Variants in MGAT4C observed in about 807,000 individuals in gnomAD.
MGAT4C encodes the protein alpha-1,3-mannosyl-glycoprotein 4-beta-N-acetylglucosaminyltransferase C.
Under a neutral mutation model 40.1 loss-of-function variants are expected in MGAT4C, and 19 were observed. The ratio of observed to expected loss-of-function variants is 0.47; its 90% CI spans 0.33 to 0.70. The LOEUF (loss-of-function observed/expected upper bound fraction) is 0.70. Among genes scored for constraint, MGAT4C ranks in the 30% least tolerant of loss-of-function variants. MGAT4C has a pLI of 0.02. For missense variants in MGAT4C, 491 were observed against 563.2 expected, an observed-to-expected ratio of 0.87 and a Z score of 1.30; for synonymous variants, 181 against 187.1, an observed-to-expected ratio of 0.97 and a Z score of 0.27.
intron 1 of MGAT4C, among the ~76,000 whole-genome samples, chr12:86,164,557 T>C (rs148782882): frequency 6.6e-6 from 1 of 152,294 alleles, no homozygotes; most frequent in African/African-American, 2.4e-5. Flanking sequence ...CTATTCTAAC[T>C]GGTAATTTTT....
At chr12:86,284,267 G>A (rs1305165409) in intron 4 of MGAT4C, among the ~76,000 whole-genome samples, 1 of 151,738 alleles carries the variant, frequency 6.6e-6, no homozygotes, top group East Asian at 1.9e-4. Flanking sequence ...AGTCTTCTGA[G>A]ATGAATGTTT....
chr12:86,649,622 A>AAACT (rs919134943), intron 2 of MGAT4C, among the ~76,000 whole-genome samples: 4 of 151,838 alleles, frequency 2.6e-5, no homozygotes, highest in African/African-American at 9.7e-5. Context: ...TTTTTATATA[A>AAACT]AACTAAGTTG....
chr12:86,611,413 T>C (rs1962263215), intron 2 of MGAT4C, among the ~76,000 whole-genome samples: 3 of 149,292 alleles, frequency 2.0e-5, no homozygotes, highest in South Asian at 2.1e-4. Context: ...GGTAGGTAGG[T>C]AGGTAGGTAG....
intron 3 of MGAT4C, among the ~76,000 whole-genome samples, chr12:86,352,314 A>T (rs887698305): frequency 6.6e-6 from 1 of 152,038 alleles, no homozygotes; most frequent in Admixed American, 6.6e-5. Flanking sequence ...TAAAACTTTG[A>T]CATCCTTGAA....
intron 1 of MGAT4C, among the ~76,000 whole-genome samples, chr12:86,236,866 T>A (rs1951573764): frequency 6.6e-6 from 1 of 151,940 alleles, no homozygotes; most frequent in African/African-American, 2.4e-5. Flanking sequence ...GTGATTATCT[T>A]GGTAAACAGG....
At chr12:86,642,651 A>G (rs1963425959) in intron 2 of MGAT4C, among the ~76,000 whole-genome samples, 1 of 151,814 alleles carries the variant, frequency 6.6e-6, no homozygotes, top group Non-Finnish European at 1.5e-5. Context: ...TTGACATTAG[A>G]GAAATCATTC....
At chr12:86,759,542 C>T (rs2136150284) in intron 1 of MGAT4C, among the ~76,000 whole-genome samples, 2 of 152,188 alleles carry the variant, frequency 1.3e-5, no homozygotes, top group East Asian at 1.9e-4. Context: ...TCCTTACTAA[C>T]ACTTGCTATC....
chr12:86,612,324 A>G (rs1398558589), intron 2 of MGAT4C, among the ~76,000 whole-genome samples: 3 of 152,178 alleles, frequency 2.0e-5, no homozygotes. Flanking sequence ...TATCATTTCT[A>G]TTAGCTAGCT....
At chr12:86,297,855 G>A (rs1159343563) in intron 4 of MGAT4C, among the ~76,000 whole-genome samples, 1 of 152,032 alleles carries the variant, frequency 6.6e-6, no homozygotes, top group Admixed American at 6.5e-5. Flanking sequence ...AAAACAGAAA[G>A]GAGAGGTCAT....
At chr12:86,067,168 T>A (rs1304588723) in intron 1 of MGAT4C, among the ~76,000 whole-genome samples, 1 of 152,072 alleles carries the variant, frequency 6.6e-6, no homozygotes, top group East Asian at 1.9e-4. Flanking sequence ...CAAGGATCTA[T>A]AACCAGAAAT....
chr12:86,807,695 C>T (rs11104101), intron 1 of MGAT4C, among the ~76,000 whole-genome samples: 52,468 of 151,940 alleles, frequency 0.35, 10,088 homozygotes, highest in Admixed American at 0.47. Context: ...TTTGGGGAAT[C>T]CCCGCACTGT....
intron 1 of MGAT4C, among the ~76,000 whole-genome samples, chr12:86,121,670 A>C (rs2135682847): frequency 6.6e-6 from 1 of 152,330 alleles, no homozygotes; most frequent in Non-Finnish European, 1.5e-5. Context: ...AAGGAGAAAT[A>C]AAATCCTTTA....
chr12:86,372,045 C>T (rs1330157433), intron 3 of MGAT4C, among the ~76,000 whole-genome samples: 1 of 150,710 alleles, frequency 6.6e-6, no homozygotes, highest in East Asian at 1.9e-4. Context: ...AAATAAATTT[C>T]AAAAAATATA....
chr12:86,399,144 G>A (rs1030151982), intron 3 of MGAT4C, among the ~76,000 whole-genome samples: 1 of 151,270 alleles, frequency 6.6e-6, no homozygotes. Flanking sequence ...CTAATTTTTT[G>A]TATTTTTAGT....
rs143004980 is a variant in MGAT4C, at chr12:86,211,160, C to T, written c.-57+45079G>A. Among the ~76,000 whole-genome samples, 388 of 150,300 alleles carry T rather than the reference C, an allele frequency of 2.6e-3. 4 individuals carry two copies. Among genetic ancestry groups the T allele is most frequent in the East Asian group, 3.9e-3 (19 of 4,908 alleles). On this transcript the variant is annotated intron_variant, in intron 1 of 4. Coordinates refer to ENST00000611864, the MANE Select transcript of MGAT4C (RefSeq NM_001351288.2). ...CTTTCCCTTTTAACTTTGATTTTGA[C>T]GAGCAAAAGCCCTTGTTAGCATATA...
At chr12:86,284,702 T>A (rs1219148139) in intron 4 of MGAT4C, among the ~76,000 whole-genome samples, 3 of 151,994 alleles carry the variant, frequency 2.0e-5, no homozygotes, top group African/African-American at 7.2e-5. Context: ...ACCATGTAAG[T>A]GTACACTTTT....
At chr12:86,316,970 A>C (rs531802514) in intron 4 of MGAT4C, among the ~76,000 whole-genome samples, 8 of 152,134 alleles carry the variant, frequency 5.3e-5, no homozygotes, top group Admixed American at 1.3e-4. Flanking sequence ...TGCAATGTTT[A>C]AAGCAAAATC....
At chr12:86,703,731 C>A (rs1950404648) in intron 2 of MGAT4C, among the ~76,000 whole-genome samples, 1 of 151,978 alleles carries the variant, frequency 6.6e-6, no homozygotes, top group Non-Finnish European at 1.5e-5. Context: ...TTGTCTGGAG[C>A]CTAACCCACA....
intron 4 of MGAT4C, among the ~76,000 whole-genome samples, chr12:86,319,485 T>TG (rs1030500232): frequency 1.4e-4 from 21 of 152,172 alleles, no homozygotes; most frequent in African/African-American, 4.6e-4. Flanking sequence ...CTATATTTAT[T>TG]GGGGCATTTA....
Sources: allele counts gnomAD v4.1 joint callset (sites outside exome capture counted in the v4.1 genomes callset), GRCh38; gene constraint gnomAD v4.1.1; transcripts MANE v1.5; gene names NCBI Gene and HGNC (gene_info 2026-07-23, HGNC 2026-07-21).